The following STAT4 variants were observed in gnomAD, a reference collection of about 807,000 sequenced individuals.
The protein encoded by STAT4 is signal transducer and activator of transcription 4.
STAT4 carries 42 observed loss-of-function variants against 110.5 expected under a neutral mutation model. The observed-to-expected ratio is 0.38, with a 90% CI of 0.30 to 0.49. STAT4 has a LOEUF of 0.49. STAT4 is among the 20% of genes least tolerant of loss of function. The pLI, the probability that STAT4 is intolerant of heterozygous loss-of-function variation, is 0.95. For synonymous variants in STAT4, 284 were observed against 302.2 expected, an observed-to-expected ratio of 0.94 and a Z score of 0.63; for missense variants, 632 against 887.9, an observed-to-expected ratio of 0.71 and a Z score of 3.66.
rs982021381 is a variant in STAT4 at position 191,147,182 on chromosome 2, T to TCAAA, written c.129-429_129-426dup. On this transcript the variant is annotated intron_variant, in intron 2 of 23. Coordinates refer to ENST00000392320, the MANE Select transcript of STAT4 (RefSeq NM_003151.4). This position sits in a 1 kb window ranked among gnomAD's most constrained non-coding sequence, Gnocchi z 4.1. ...ACCCAAAAGAATTAAAAGCAGGGAC[T>TCAAA]CAAACAGATATTTGCATACCAATGT... is the stretch of plus-strand genomic sequence containing the variant. 6.6e-6 allele frequency among the ~76,000 whole-genome samples: 1 copy of TCAAA among 152,146 alleles called. No individual in the cohort carries two copies. The highest frequency in any genetic ancestry group is 1.5e-5 in the Non-Finnish European group (1 of 68,000).
chr2:191,072,241 A>C (rs1284335737), intron 5 of STAT4, among the ~76,000 whole-genome samples: 1 of 152,232 alleles, frequency 6.6e-6, no homozygotes, highest in African/African-American at 2.4e-5. Flanking sequence ...TTCTTACTGT[A>C]GTAAAATAAT....
rs1048398753 is a variant in STAT4 at position 191,090,886 on chromosome 2, C to T, written c.274-14561G>A. Among the ~76,000 whole-genome samples, 7 of 152,256 alleles carry T rather than the reference C, an allele frequency of 4.6e-5. No homozygotes were observed. Among genetic ancestry groups the T allele is most frequent in the South Asian group, 2.1e-4 (1 of 4,818 alleles). Reference sequence around the variant, plus strand: ...GATTACAGGCGTGAGCCACCATACCCGGCCTTAAACTACTTCTTAAAGGTA... The same window carrying T: ...GATTACAGGCGTGAGCCACCATACCTGGCCTTAAACTACTTCTTAAAGGTA... On this transcript the variant is annotated intron_variant, in intron 3 of 23. Coordinates refer to ENST00000392320, the MANE Select transcript of STAT4 (RefSeq NM_003151.4). This position sits in a 1 kb window ranked among gnomAD's most constrained non-coding sequence, Gnocchi z 4.2.
At position 191,130,636 on chromosome 2, in the gene STAT4, G is replaced by A. The variant is rs117498093; in HGVS notation, c.273+15977C>T. Among the ~76,000 whole-genome samples the A allele has an allele frequency of 2.0e-4, 31 of 151,776 alleles. No homozygotes were observed. The East Asian group carries it at 5.0e-3, about 25-fold the overall frequency. ...TTTAAATTTATCATGCTGGGGACCC[G>A]TATTTCTAAAATCTAAGAATGCATG... On this transcript the variant is annotated intron_variant, in intron 3 of 23. Transcript: ENST00000392320.
In STAT4 at chr2:191,090,328, G is replaced by T. The variant is rs1054757278; in HGVS notation, c.274-14003C>A. ...CCTCTCACCAGAAATGAATGAATTC[G>T]AATGAATGAAGTTGCTCGCCTCCTC... On this transcript the variant is annotated intron_variant, in intron 3 of 23. Transcript: ENST00000392320. The surrounding 1 kb of genome is among the most constrained non-coding windows in gnomAD (Gnocchi z 4.2). Among the ~76,000 whole-genome samples the T allele has an allele frequency of 6.6e-6, 1 of 151,968 alleles. No individual in the cohort carries two copies. The highest frequency in any genetic ancestry group is 2.4e-5 in the African/African-American group (1 of 41,354).
In STAT4 at chr2:191,059,901, T is replaced by C. The variant is rs1038696280; in HGVS notation, c.1035-1132A>G. Among the ~76,000 whole-genome samples, 1 of 152,182 alleles carries C rather than the reference T, an allele frequency of 6.6e-6. No individual in the cohort carries two copies. Among genetic ancestry groups the C allele is most frequent in the Non-Finnish European group, 1.5e-5 (1 of 68,016 alleles). On this transcript the variant is annotated intron_variant, in intron 10 of 23. Transcript: ENST00000392320. This position sits in a 1 kb window ranked among gnomAD's most constrained non-coding sequence, Gnocchi z 4.7. Reference sequence around the variant, plus strand: ...CAGATGTTTTTCCTCTCCACCTTCCTTTTTATACCACTTCAGGAAGGATCT... The same window carrying C: ...CAGATGTTTTTCCTCTCCACCTTCCCTTTTATACCACTTCAGGAAGGATCT...
rs1178605810 is a variant in STAT4 at position 191,146,499 on chromosome 2, C to T, written c.273+114G>A. On this transcript the variant is annotated intron_variant, in intron 3 of 23. Coordinates refer to ENST00000392320, the MANE Select transcript of STAT4 (RefSeq NM_003151.4). The surrounding 1 kb of genome is among the most constrained non-coding windows in gnomAD (Gnocchi z 4.5). ...ACAAAATTTGTAAGTGGTAAGACAACTCAATTTTCCCCTAAATTTCATTTG... is the reference window on the plus strand; with the variant it reads ...ACAAAATTTGTAAGTGGTAAGACAATTCAATTTTCCCCTAAATTTCATTTG... The T allele has an allele frequency of 4.8e-6, 5 of 1,047,000 alleles. No homozygotes were observed. In the African/African-American group the frequency reaches 6.6e-5, roughly 14 times the overall value. The allele number at this position is 1,047,000 out of a possible 1,614,324, so 64.9% of individuals were successfully genotyped here. A position where few individuals can be genotyped will look rare whatever the true frequency, so the allele number is the denominator to read the frequency against.
intron 3 of STAT4, among the ~76,000 whole-genome samples, chr2:191,130,006 T>C (rs1403134903): frequency 1.3e-5 from 2 of 152,354 alleles, no homozygotes; most frequent in Admixed American, 6.5e-5. Context: ...TTGCCAAGTA[T>C]GCTTAGTTTC....
In STAT4 at chr2:191,113,093, C is replaced by T. The variant is rs1698471224; in HGVS notation, c.273+33520G>A. Among the ~76,000 whole-genome samples, 1 of 152,200 alleles carries T rather than the reference C, an allele frequency of 6.6e-6. No homozygotes were observed. Among genetic ancestry groups the T allele is most frequent in the African/African-American group, 2.4e-5 (1 of 41,456 alleles). Reference sequence around the variant, plus strand: ...CCCATGTCTCATTGCTTTCCTGCCTCTGTGTCTTTGCCTACATGGTGTTGC... The same window carrying T: ...CCCATGTCTCATTGCTTTCCTGCCTTTGTGTCTTTGCCTACATGGTGTTGC... On this transcript the variant is annotated intron_variant, in intron 3 of 23. Coordinates refer to ENST00000392320, the MANE Select transcript of STAT4 (RefSeq NM_003151.4). The surrounding 1 kb of genome is among the most constrained non-coding windows in gnomAD (Gnocchi z 4.8).
rs1699483516 is a variant in STAT4 at position 191,147,149 on chromosome 2, G to A, written c.129-392C>T. ...TATATGACCCAGCAATTCCACATCTGGATATATACCCAAAAGAATTAAAAG... is the reference window on the plus strand; with the variant it reads ...TATATGACCCAGCAATTCCACATCTAGATATATACCCAAAAGAATTAAAAG... On this transcript the variant is annotated intron_variant, in intron 2 of 23. Transcript: ENST00000392320. This position sits in a 1 kb window ranked among gnomAD's most constrained non-coding sequence, Gnocchi z 4.1. Among the ~76,000 whole-genome samples the A allele has an allele frequency of 1.3e-5, 2 of 152,048 alleles. No individual in the cohort carries two copies. The highest frequency in any genetic ancestry group is 2.9e-5 in the Non-Finnish European group (2 of 67,986).
rs1696862301 is a variant in STAT4 at position 191,062,028 on chromosome 2, G to A, written c.942-207C>T. 6.6e-6 allele frequency among the ~76,000 whole-genome samples: 1 copy of A among 152,096 alleles called. No individual in the cohort carries two copies. ...AATGATTCTTAATTGTTATAATTGA[G>A]TCATGAATAAAAGCCCCAGTCCATT... On this transcript the variant is annotated intron_variant, in intron 9 of 23. Transcript: ENST00000392320. This position sits in a 1 kb window ranked among gnomAD's most constrained non-coding sequence, Gnocchi z 4.9.
At position 191,042,549 on chromosome 2, in the gene STAT4, A is replaced by T. The variant is rs1024479787; in HGVS notation, c.1252-1401T>A. 1.7e-4 allele frequency among the ~76,000 whole-genome samples: 26 copies of T among 152,248 alleles called. No homozygotes were observed. The highest frequency in any genetic ancestry group is 3.1e-4 in the Non-Finnish European group (21 of 68,016). On this transcript the variant is annotated intron_variant, in intron 14 of 23. Transcript: ENST00000392320. The surrounding 1 kb of genome is among the most constrained non-coding windows in gnomAD (Gnocchi z 4.2). ...TAGGATTTTATTAAGGAAGCATTTTAAAAAAATTATTATTTTGGTTTTTGT... is the reference window on the plus strand; with the variant it reads ...TAGGATTTTATTAAGGAAGCATTTTTAAAAAATTATTATTTTGGTTTTTGT...
chr2:191,094,084 C>G (rs1697887722), intron 3 of STAT4, among the ~76,000 whole-genome samples: 1 of 152,046 alleles, frequency 6.6e-6, no homozygotes, highest in Non-Finnish European at 1.5e-5. Context: ...AAATATGGGA[C>G]TATGTGAAAA....
chr2:191,034,374 G>T (rs1057348407), intron 18 of STAT4, among the ~76,000 whole-genome samples, 174 bp downstream of exon 18: 14 of 149,030 alleles, frequency 9.4e-5, no homozygotes, highest in Non-Finnish European at 1.9e-4. Context: ...AGTGAGCCGA[G>T]ATTGCGCCAC....
Position 191,104,324 on chromosome 2 carries a change from G to A in STAT4, c.274-27999C>T, listed in dbSNP as rs1698219565. Among the ~76,000 whole-genome samples, 1 of 152,026 alleles carries A rather than the reference G, an allele frequency of 6.6e-6. No homozygotes were observed. The highest frequency in any genetic ancestry group is 1.5e-5 in the Non-Finnish European group (1 of 67,992). On this transcript the variant is annotated intron_variant, in intron 3 of 23. Transcript: ENST00000392320. The surrounding 1 kb of genome is among the most constrained non-coding windows in gnomAD (Gnocchi z 4.3). ...TGAACAAAGCTTTGATAATAAAGAAGTTAAACTAATGAATTAGTTTTTCCC... is the reference window on the plus strand; with the variant it reads ...TGAACAAAGCTTTGATAATAAAGAAATTAAACTAATGAATTAGTTTTTCCC...
At chr2:191,149,076 G>T (rs1282176438) in intron 1 of STAT4, among the ~76,000 whole-genome samples, 1 of 152,202 alleles carries the variant, frequency 6.6e-6, no homozygotes, top group Non-Finnish European at 1.5e-5. Context: ...AAATTAGTAT[G>T]ACGCTGCCTC....
At chr2:191,103,211 C>T (rs1325876046) in intron 3 of STAT4, among the ~76,000 whole-genome samples, 1 of 152,086 alleles carries the variant, frequency 6.6e-6, no homozygotes, top group Non-Finnish European at 1.5e-5. Context: ...TTGCCAGTCT[C>T]TTGTTACGTG....
At chr2:191,089,419 C>T (rs911707935) in intron 3 of STAT4, among the ~76,000 whole-genome samples, 4 of 152,224 alleles carry the variant, frequency 2.6e-5, no homozygotes, top group South Asian at 2.1e-4. Flanking sequence ...AATGTTGATG[C>T]GGATGTGGAG....
chr2:191,110,416 A>G lies in STAT4; in HGVS notation c.274-34091T>C, dbSNP rs1479781097. On this transcript the variant is annotated intron_variant, in intron 3 of 23. Transcript: ENST00000392320. The surrounding 1 kb of genome is among the most constrained non-coding windows in gnomAD (Gnocchi z 4.5). ...TATATGCCTTGTGCTCGCACATATC[A>G]TCTCATTCAAAGCCTACTGTAGCCC... 6.6e-6 allele frequency among the ~76,000 whole-genome samples: 1 copy of G among 152,174 alleles called. No homozygotes were observed. The highest frequency in any genetic ancestry group is 2.4e-5 in the African/African-American group (1 of 41,442).
At chr2:191,106,697 T>TAAAATAAAAA (rs1335364418) in intron 3 of STAT4, among the ~76,000 whole-genome samples, 1 of 146,958 alleles carries the variant, frequency 6.8e-6, no homozygotes, top group Non-Finnish European at 1.5e-5. Context: ...TAAAATAAAA[T>TAAAATAAAAA]AAAAAAATGT....
Sources: gnomAD v4.1 joint callset for allele counts (sites outside exome capture counted in the v4.1 genomes callset) on GRCh38, gnomAD v4.1.1 for gene constraint, Gnocchi (gnomAD v3.1) non-coding constraint, MANE v1.5 for transcripts, NCBI Gene and HGNC (gene_info 2026-07-23, HGNC 2026-07-21) for gene names.